OSBPL1A: variants seen among roughly 807,000 people sequenced by gnomAD.
The protein encoded by OSBPL1A is oxysterol-binding protein-related protein 1.
OSBPL1A carries 80 observed loss-of-function variants against 137.1 expected under a neutral mutation model. That is an observed-to-expected ratio of 0.58 (90% CI 0.49 to 0.70). The LOEUF (loss-of-function observed/expected upper bound fraction) is 0.70, where lower values mean the gene tolerates loss of function less well. Among genes scored for constraint, OSBPL1A ranks in the 30% least tolerant of loss-of-function variants. OSBPL1A has a pLI of 0.00. For missense variants in OSBPL1A, 970 were observed against 1,129.4 expected (o/e 0.86, Z 2.02); for synonymous variants, 365 against 389.7 (o/e 0.94, Z 0.75).
intron 4 of OSBPL1A, among the ~76,000 whole-genome samples, chr18:24,363,807 A>ATT (rs879586775): frequency 6.9e-6 from 1 of 145,770 alleles, no homozygotes; most frequent in Non-Finnish European, 1.5e-5. Flanking sequence ...ACACCAGGCA[A>ATT]TTTTTTTTTT....
chr18:24,312,272 T>C (rs1040498135), intron 12 of OSBPL1A, among the ~76,000 whole-genome samples, 166 bp from the exon 13 acceptor site: 5 of 152,212 alleles, frequency 3.3e-5, no homozygotes, highest in Non-Finnish European at 5.9e-5. Flanking sequence ...GGGTCTCTTG[T>C]CCATGATATG....
intron 15 of OSBPL1A, among the ~76,000 whole-genome samples, chr18:24,258,974 T>C (rs2146038584): frequency 6.8e-6 from 1 of 148,046 alleles, no homozygotes; most frequent in African/African-American, 2.5e-5. Context: ...AGTCTCGCTC[T>C]GTCGCCAGGC....
In OSBPL1A at chr18:24,271,994, G is replaced by A; in HGVS notation, c.1281+8848C>T. ...GCGGGGAGAGCGCGGGCGGGCGGCG[G>A]CAAGGCCTGCGGCGGGCGGCTCCCT... On this transcript the variant is annotated intron_variant, in intron 15 of 27. Coordinates refer to ENST00000319481, the MANE Select transcript of OSBPL1A (RefSeq NM_080597.4). The surrounding 1 kb of genome is among the most constrained non-coding windows in gnomAD (Gnocchi z 4.0). The A allele has an allele frequency of 3.1e-6, 3 of 981,762 alleles. No homozygotes were observed. The highest frequency in any genetic ancestry group is 2.4e-6 in the Non-Finnish European group (2 of 828,638). 60.8% of individuals were successfully genotyped at this position (981,762 alleles called of 1,614,324 possible). A position where few individuals can be genotyped will look rare whatever the true frequency, so the allele number is the denominator to read the frequency against.
At chr18:24,226,887 ATTTTTT>A (rs5823416) in intron 16 of OSBPL1A, among the ~76,000 whole-genome samples, 3 of 100,860 alleles carry the variant, frequency 3.0e-5, no homozygotes, top group Non-Finnish European at 3.9e-5. Flanking sequence ...AAAGAAACAG[ATTTTTT>A]TTTTTTTTTT....
At chr18:24,283,304 G>GTA (rs1220293857) in intron 14 of OSBPL1A, among the ~76,000 whole-genome samples, 1,568 of 53,056 alleles carry the variant, frequency 0.03, 15 homozygotes, top group Middle Eastern at 0.1. Flanking sequence ...ATATATATAT[G>GTA]TATATATATA....
chr18:24,235,847 A>T (rs2088453386), intron 16 of OSBPL1A, among the ~76,000 whole-genome samples: 1 of 152,232 alleles, frequency 6.6e-6, no homozygotes. Context: ...GACTTTGCAG[A>T]TATGATTAAG....
chr18:24,266,309 C>T (rs1396034093), intron 15 of OSBPL1A, among the ~76,000 whole-genome samples: 3 of 152,116 alleles, frequency 2.0e-5, no homozygotes, highest in Non-Finnish European at 4.4e-5. Flanking sequence ...AATGGTGAGC[C>T]TTTGAGCATC....
chr18:24,383,275 A>G (rs1486793771), intron 1 of OSBPL1A, among the ~76,000 whole-genome samples: 2 of 152,232 alleles, frequency 1.3e-5, no homozygotes, highest in East Asian at 1.9e-4. Context: ...ACTTGCTGGC[A>G]TATTACACAA....
intron 4 of OSBPL1A, among the ~76,000 whole-genome samples, chr18:24,359,479 G>A (rs1052761217): frequency 6.6e-5 from 10 of 151,722 alleles, no homozygotes; most frequent in South Asian, 6.3e-4. Flanking sequence ...TAGGAAGACC[G>A]CTTAAGGTTC....
chr18:24,247,269 G>A (rs1159808186), intron 15 of OSBPL1A, among the ~76,000 whole-genome samples: 1 of 152,170 alleles, frequency 6.6e-6, no homozygotes, highest in East Asian at 1.9e-4. Flanking sequence ...GTGATTAACT[G>A]TCAAACACTG....
intron 15 of OSBPL1A, among the ~76,000 whole-genome samples, chr18:24,257,990 T>C (rs1256677621): frequency 6.6e-6 from 1 of 152,112 alleles, no homozygotes; most frequent in East Asian, 1.9e-4. Flanking sequence ...CTGGCAAGGA[T>C]GTGGAGAAAG....
intron 15 of OSBPL1A, among the ~76,000 whole-genome samples, chr18:24,266,772 A>G (rs2089585827): frequency 6.6e-6 from 1 of 152,042 alleles, no homozygotes; most frequent in Admixed American, 6.5e-5. Flanking sequence ...AAATAAACCA[A>G]CGGCTAAAGC....
chr18:24,367,016 T>C, intron 3 of OSBPL1A, 50 bp from the exon 4 acceptor site: 1 of 1,480,304 alleles, frequency 6.8e-7, no homozygotes, highest in East Asian at 2.4e-5. Flanking sequence ...ATGGTGAAAA[T>C]CATTCCTTCA....
intron 18 of OSBPL1A, among the ~76,000 whole-genome samples, chr18:24,184,128 A>G (rs538758823): frequency 1.3e-5 from 2 of 152,326 alleles, no homozygotes; most frequent in South Asian, 4.1e-4. Context: ...ATATATCTTT[A>G]AGAATATAGG....
intron 14 of OSBPL1A, among the ~76,000 whole-genome samples, chr18:24,288,907 G>GAACT (rs1599620349): frequency 6.6e-6 from 1 of 152,266 alleles, no homozygotes; most frequent in Admixed American, 6.5e-5. Flanking sequence ...TTAAGAGACA[G>GAACT]GACTATCTAT....
chr18:24,333,160 G>T lies in OSBPL1A; in HGVS notation c.481-74C>A, dbSNP rs113666688. Reference sequence around the variant, plus strand: ...TTCCTCTCATAATTCACAGGAGGGTGTATCAGCAGAGCCCGAAGAATAGCC... The same window carrying T: ...TTCCTCTCATAATTCACAGGAGGGTTTATCAGCAGAGCCCGAAGAATAGCC... On this transcript the variant is annotated intron_variant, in intron 6 of 27. Coordinates refer to ENST00000319481, the MANE Select transcript of OSBPL1A (RefSeq NM_080597.4). The T allele has an allele frequency of 4.0e-6, 6 of 1,515,964 alleles. No homozygotes were observed. The African/African-American group carries it at 4.1e-5, about 10-fold the overall frequency. The allele number at this position is 1,515,964 out of a possible 1,614,324, so 93.9% of individuals were successfully genotyped here.
intron 16 of OSBPL1A, among the ~76,000 whole-genome samples, chr18:24,225,968 T>C (rs1753777293): frequency 6.6e-6 from 1 of 152,180 alleles, no homozygotes; most frequent in Non-Finnish European, 1.5e-5. Context: ...AGACCCTGTC[T>C]CTATACAAAA....
intron 15 of OSBPL1A, among the ~76,000 whole-genome samples, chr18:24,247,441 T>C (rs1599558183): frequency 6.6e-6 from 1 of 152,096 alleles, no homozygotes; most frequent in Non-Finnish European, 1.5e-5. Context: ...GTACAACCTG[T>C]TCTTAAGAAG....
At chr18:24,251,423 T>C (rs1361850293) in intron 15 of OSBPL1A, among the ~76,000 whole-genome samples, 1 of 152,150 alleles carries the variant, frequency 6.6e-6, no homozygotes, top group Non-Finnish European at 1.5e-5. Flanking sequence ...GAGACTCTAT[T>C]TGTTTGGGAG....
Sources: gnomAD v4.1 joint callset for allele counts (sites outside exome capture counted in the v4.1 genomes callset) on GRCh38, gnomAD v4.1.1 for gene constraint, Gnocchi (gnomAD v3.1) non-coding constraint, MANE v1.5 for transcripts, NCBI Gene and HGNC (gene_info 2026-07-23, HGNC 2026-07-21) for gene names.